Variants in NAT1 observed in about 807,000 individuals in gnomAD.
NAT1 encodes arylamine N-acetyltransferase 1.
For synonymous variants in NAT1, 144 were observed against 122.6 expected (o/e 1.17, Z -1.16); for missense variants, 400 against 339.2 (o/e 1.18, Z -1.41).
At chr8:18,209,421 A>G (rs1269658097), upstream of NAT1, among the ~76,000 whole-genome samples, 3 of 152,252 alleles carry the variant, frequency 2.0e-5, no homozygotes, top group African/African-American at 7.2e-5. Context: ...ATGTATGTAT[A>G]AGAACACCAC....
rs1373006372 is a variant in NAT1, at chr8:18,222,744, T to G, written c.697T>G (p.Cys233Gly). Reference protein sequence around the residue: ...CSLQTPDGVHCLVGFTLTHRR... With the variant: ...CSLQTPDGVHGLVGFTLTHRR... ...CTTGCAGACCCCAGATGGGGTTCAC[T>G]GTTTGGTGGGCTTCACCCTCACCCA... The change falls in exon 3 of 3, where the codon TGT becomes GGT. Residue 233 changes from cysteine (C) to glycine (G), a missense_variant. Coordinates refer to ENST00000307719, the MANE Select transcript of NAT1 (RefSeq NM_000662.8). 1.2e-6 allele frequency: 2 copies of G among 1,613,824 alleles called. No homozygotes were observed. The highest frequency in any genetic ancestry group is 2.7e-5 in the African/African-American group (2 of 74,928).
intron 2 of NAT1, among the ~76,000 whole-genome samples, chr8:18,194,300 G>C (rs1231216663): frequency 6.6e-6 from 1 of 152,216 alleles, no homozygotes; most frequent in African/African-American, 2.4e-5. Context: ...CTGTAGGGGA[G>C]AGGGTGAGGT....
At chr8:18,188,840 C>T (rs1220733590) in intron 2 of NAT1, among the ~76,000 whole-genome samples, 1 of 151,160 alleles carries the variant, frequency 6.6e-6, no homozygotes, top group Non-Finnish European at 1.5e-5. Context: ...ACTAAAACTA[C>T]AAAAATTAGC....
intron 2 of NAT1, among the ~76,000 whole-genome samples, chr8:18,185,065 CTTGT>C (rs1336363885): frequency 5.7e-5 from 4 of 70,716 alleles, no homozygotes; most frequent in African/African-American, 5.1e-4. Context: ...TTCAGGAGTG[CTTGT>C]TTCGGTTTCA....
Position 18,222,907 on chromosome 8 carries a change from T to C in NAT1, c.860T>C (p.Phe287Ser), listed in dbSNP as rs1257490235. ...RKLVPKHGDRFFTI is the reference protein window; with the variant it reads ...RKLVPKHGDRSFTI ...CTTGTGCCCAAACATGGTGATAGAT[T>C]TTTTACTATTTAGAATAAGGAGTAA... The change falls in exon 3 of 3, where the codon TTT becomes TCT. Residue 287 changes from phenylalanine (F) to serine (S), a missense_variant. By Grantham distance (155) the Phe-to-Ser change is radical (BLOSUM62 -2). Transcript: ENST00000307719. 6.4e-7 allele frequency: 1 copy of C among 1,551,824 alleles called. No homozygotes were observed. Among genetic ancestry groups the C allele is most frequent in the Non-Finnish European group, 8.6e-7 (1 of 1,156,710 alleles).
intron 2 of NAT1, among the ~76,000 whole-genome samples, chr8:18,173,440 A>C (rs546387141): frequency 6.6e-6 from 1 of 152,156 alleles, no homozygotes; most frequent in Non-Finnish European, 1.5e-5. Flanking sequence ...CACTACACAG[A>C]GGAAAAGCAA....
At chr8:18,218,491 G>A (rs941689457) in intron 1 of NAT1, among the ~76,000 whole-genome samples, 2 of 152,110 alleles carry the variant, frequency 1.3e-5, no homozygotes, top group Non-Finnish European at 2.9e-5. Context: ...TTTATTAGAC[G>A]CAGCCACCAT....
intron 2 of NAT1, among the ~76,000 whole-genome samples, chr8:18,195,750 A>G (rs1204106279): frequency 6.6e-6 from 1 of 152,184 alleles, no homozygotes; most frequent in Non-Finnish European, 1.5e-5. Flanking sequence ...TTCTAGGTGT[A>G]AATGAGCTAG....
intron 2 of NAT1, among the ~76,000 whole-genome samples, chr8:18,175,934 T>A (rs1247619265): frequency 6.6e-6 from 1 of 152,122 alleles, no homozygotes; most frequent in East Asian, 1.9e-4. Flanking sequence ...CATTGTGTTT[T>A]AAATTTACAT....
chr8:18,204,161 C>G (rs1420100394), intron 2 of NAT1, among the ~76,000 whole-genome samples: 2 of 146,404 alleles, frequency 1.4e-5, no homozygotes, highest in Non-Finnish European at 2.9e-5. Context: ...TTTTGGATGT[C>G]TTTCTCTCTC....
At chr8:18,193,766 T>C (rs1042490184) in intron 2 of NAT1, among the ~76,000 whole-genome samples, 11 of 148,868 alleles carry the variant, frequency 7.4e-5, no homozygotes, top group South Asian at 2.2e-4. Flanking sequence ...CTTAGTCTCC[T>C]GAGTAGCTGG....
chr8:18,179,038 T>C (rs1474826016), intron 2 of NAT1, among the ~76,000 whole-genome samples: 1 of 152,110 alleles, frequency 6.6e-6, no homozygotes, highest in East Asian at 1.9e-4. Context: ...TAGTCAACAT[T>C]TATCCCTCTA....
In NAT1 at chr8:18,177,157, C is replaced by T. The variant is rs535627707; in HGVS notation, n.92+6418C>T. Among the ~76,000 whole-genome samples the T allele has an allele frequency of 1.1e-4, 17 of 152,090 alleles. No homozygotes were observed. The South Asian group carries it at 3.1e-3, about 28-fold the overall frequency. ...ATGTAAGATTATATCAACAGACAGT[C>T]TCATTTATTCCTTCCTCATCTGTCT... On this transcript the variant is annotated intron_variant and non_coding_transcript_variant, in intron 2 of 4. Coordinates refer to the NAT1 transcript ENST00000517441.
rs376036465 is a variant in NAT1, at chr8:18,222,437, G to C, written c.390G>C (p.Gln130His). The C allele has an allele frequency of 3.1e-6, 5 of 1,614,014 alleles. No individual in the cohort carries two copies. The highest frequency in any genetic ancestry group is 1.3e-5 in the African/African-American group (1 of 74,914). ...IVDAGFGRSY[Q>H]MWQPLELISG... is the part of the protein sequence containing the mutation. Reference sequence around the variant, plus strand: ...ATGCTGGGTTTGGACGCTCATACCAGATGTGGCAGCCTCTGGAGTTAATTT... The same window carrying C: ...ATGCTGGGTTTGGACGCTCATACCACATGTGGCAGCCTCTGGAGTTAATTT... Residue 130 changes from glutamine (Q) to histidine (H), a missense_variant, in exon 3 of 3, where the codon CAG becomes CAC. Physicochemically the swap from Gln to His is conservative, Grantham distance 24 (BLOSUM62 0). Transcript: ENST00000307719.
chr8:18,222,907 T>A lies in NAT1; in HGVS notation c.860T>A (p.Phe287Tyr), dbSNP rs1257490235. The change falls in exon 3 of 3, where the codon TTT becomes TAT. Residue 287 changes from phenylalanine to tyrosine, a missense_variant. By Grantham distance (22) the Phe-to-Tyr change is conservative. Transcript: ENST00000307719. Reference sequence around the variant, plus strand: ...CTTGTGCCCAAACATGGTGATAGATTTTTTACTATTTAGAATAAGGAGTAA... The same window carrying A: ...CTTGTGCCCAAACATGGTGATAGATATTTTACTATTTAGAATAAGGAGTAA... The part of the protein sequence containing the change: ...RKLVPKHGDR[F>Y]FTI 1 of 1,551,942 alleles carries A rather than the reference T, an allele frequency of 6.4e-7. No homozygotes were observed. Among genetic ancestry groups the A allele is most frequent in the African/African-American group, 1.4e-5 (1 of 72,610 alleles).
At chr8:18,194,651 C>G (rs1803156458) in intron 2 of NAT1, among the ~76,000 whole-genome samples, 1 of 151,900 alleles carries the variant, frequency 6.6e-6, no homozygotes, top group Non-Finnish European at 1.5e-5. Context: ...AAAACTCTGT[C>G]TCTACTAAAA....
chr8:18,186,342 C>T (rs1802733980), intron 2 of NAT1, among the ~76,000 whole-genome samples: 2 of 151,972 alleles, frequency 1.3e-5, no homozygotes, highest in African/African-American at 4.8e-5. Context: ...ATGAAGTGCT[C>T]CTCTTAATTC....
Position 18,222,027 on chromosome 8 carries a change from G to T in NAT1, c.-6-15G>T, listed in dbSNP as rs757529291. Reference sequence around the variant, plus strand: ...AAGTAAAATGATTTGCTTTCGTTTTGTTTTCCTTGCTTAGGGGATCATGGA... The same window carrying T: ...AAGTAAAATGATTTGCTTTCGTTTTTTTTTCCTTGCTTAGGGGATCATGGA... On this transcript the variant is annotated splice_polypyrimidine_tract_variant and intron_variant, in intron 2 of 2. Transcript: ENST00000307719. 1 of 1,583,246 alleles carries T rather than the reference G, an allele frequency of 6.3e-7. No individual in the cohort carries two copies. Among genetic ancestry groups the T allele is most frequent in the Admixed American group, 1.8e-5 (1 of 54,772 alleles).
chr8:18,222,311 G>C lies in NAT1; in HGVS notation c.264G>C (p.Met88Ile). The C allele has an allele frequency of 6.2e-7, 1 of 1,614,152 alleles. No homozygotes were observed. Among genetic ancestry groups the C allele is most frequent in the Non-Finnish European group, 8.5e-7 (1 of 1,180,018 alleles). ...ALTTIGFETTMLGGYVYSTPA... is the reference protein window; with the variant it reads ...ALTTIGFETTILGGYVYSTPA... ...CCACTATTGGTTTTGAGACCACGAT[G>C]TTGGGAGGGTATGTTTACAGCACTC... The change falls in exon 3 of 3, where the codon ATG (methionine) becomes ATC (isoleucine). Residue 88 changes from methionine to isoleucine, a missense_variant. By Grantham distance (10) the Met-to-Ile change is conservative (BLOSUM62 1). Transcript: ENST00000307719.
Sources: gnomAD v4.1 joint callset for allele counts (sites outside exome capture counted in the v4.1 genomes callset) on GRCh38, gnomAD v4.1.1 for gene constraint, MANE v1.5 for transcripts, NCBI Gene and HGNC (gene_info 2026-07-23, HGNC 2026-07-21) for gene names.